The following ARHGEF3 variants were observed in gnomAD, a reference collection of about 807,000 sequenced individuals.
The protein encoded by ARHGEF3 is 59.8 kDA protein.
In ARHGEF3, 28 loss-of-function variants were observed where a neutral mutation model predicts 63.2. That is an observed-to-expected ratio of 0.44 (90% confidence interval 0.33 to 0.61). ARHGEF3 has a LOEUF of 0.61. ARHGEF3 is among the 20% of genes least tolerant of loss of function. The pLI is 0.03. For missense variants in ARHGEF3, 533 were observed against 659.3 expected, an observed-to-expected ratio of 0.81 and a Z score of 2.10; for synonymous variants, 266 against 254.2, an observed-to-expected ratio of 1.05 and a Z score of -0.44.
At chr3:56,732,197 C>T in intron 9 of ARHGEF3, 41 bp downstream of exon 9, 12 of 1,610,108 alleles carry the variant, frequency 7.5e-6, no homozygotes, top group Non-Finnish European at 1.0e-5. Flanking sequence ...ACTACCACGG[C>T]CAAAAACATT....
In ARHGEF3 at chr3:56,915,335, G is replaced by A. The variant is rs554538548; in HGVS notation, c.130-32981C>T. ...GAAATAATTAGCAGGGCATGGTGGT[G>A]TATGCCTGTAGTCCCAGCTACTCGG... On this transcript the variant is annotated intron_variant, in intron 3 of 12. Coordinates refer to the ARHGEF3 transcript ENST00000338458. Among the ~76,000 whole-genome samples the A allele has an allele frequency of 4.6e-5, 7 of 152,146 alleles. No individual in the cohort carries two copies. The East Asian group carries it at 1.2e-3, about 25-fold the overall frequency.
At chr3:57,065,114 T>C (rs562550291) in intron 1 of ARHGEF3, among the ~76,000 whole-genome samples, 1 of 152,372 alleles carries the variant, frequency 6.6e-6, no homozygotes, top group Admixed American at 6.5e-5. Context: ...TGCATGTTTA[T>C]TTGCTGATGG....
intron 2 of ARHGEF3, among the ~76,000 whole-genome samples, chr3:57,002,479 T>TTATATA (rs1159985048): frequency 0.035 from 1,362 of 39,438 alleles, 145 homozygotes; most frequent in African/African-American, 0.04. Context: ...TATATATATG[T>TTATATA]TATATATATA....
At chr3:56,794,482 C>CT (rs1370000482) in intron 1 of ARHGEF3, among the ~76,000 whole-genome samples, 4 of 92,132 alleles carry the variant, frequency 4.3e-5, no homozygotes, top group African/African-American at 1.6e-4. Flanking sequence ...GAGCGAGACT[C>CT]TATCTCAAAA....
chr3:57,002,461 ACT>A (rs1702240818), intron 2 of ARHGEF3, among the ~76,000 whole-genome samples: 1 of 9,346 alleles, frequency 1.1e-4, no homozygotes, highest in Admixed American at 2.4e-3. Context: ...TGTTCTAAGC[ACT>A]ATATATATAT....
intron 1 of ARHGEF3, among the ~76,000 whole-genome samples, chr3:57,056,000 C>T (rs116621404): frequency 0.026 from 4,018 of 152,228 alleles, 179 homozygotes; most frequent in African/African-American, 0.09. Context: ...CACTGTGTGC[C>T]TCTATGGGCT....
intron 4 of ARHGEF3, chr3:56,882,269 G>A (rs1195816585): frequency 1.3e-6 from 2 of 1,546,712 alleles, no homozygotes; most frequent in African/African-American, 1.4e-5. Flanking sequence ...GGTGCCAGTG[G>A]GGGAAGAAAG....
intron 2 of ARHGEF3, among the ~76,000 whole-genome samples, chr3:56,968,053 A>T (rs1311593907): frequency 0.047 from 2,200 of 47,044 alleles, 192 homozygotes; most frequent in African/African-American, 0.16. Context: ...AATATATATA[A>T]TATATATAAT....
At chr3:56,943,870 C>T (rs768652961) in intron 3 of ARHGEF3, among the ~76,000 whole-genome samples, 3 of 150,186 alleles carry the variant, frequency 2.0e-5, no homozygotes, top group Non-Finnish European at 3.0e-5. Flanking sequence ...GCCAGGATCG[C>T]GCTACTGCAC....
At chr3:56,874,498 C>G (rs536588117) in intron 4 of ARHGEF3, among the ~76,000 whole-genome samples, 7 of 152,292 alleles carry the variant, frequency 4.6e-5, no homozygotes, top group Middle Eastern at 6.8e-3. Flanking sequence ...AAATAAATCT[C>G]GCTGCTATTC....
chr3:57,056,816 A>G (rs1172475169), intron 1 of ARHGEF3, among the ~76,000 whole-genome samples: 1 of 152,086 alleles, frequency 6.6e-6, no homozygotes, highest in African/African-American at 2.4e-5. Flanking sequence ...ACCACAAAAG[A>G]CTATGGGATT....
intron 6 of ARHGEF3, among the ~76,000 whole-genome samples, chr3:56,748,182 G>A (rs182724611): frequency 6.6e-6 from 1 of 152,242 alleles, no homozygotes; most frequent in East Asian, 1.9e-4. Flanking sequence ...CTACAGGCAT[G>A]CACCACCATG....
Position 56,748,201 on chromosome 3 carries a change from T to C in ARHGEF3, c.613-2739A>G, listed in dbSNP as rs527475843. ...AGGCATGCACCACCATGCCAGCTAATATTTTTTTTGTAGAGACAGGGTTTC... is the reference window on the plus strand; with the variant it reads ...AGGCATGCACCACCATGCCAGCTAACATTTTTTTTGTAGAGACAGGGTTTC... On this transcript the variant is annotated intron_variant, in intron 6 of 9. Transcript: ENST00000296315. Among the ~76,000 whole-genome samples the C allele has an allele frequency of 7.2e-4, 110 of 152,282 alleles. 1 individual carries two copies. In the East Asian group the frequency reaches 0.011, roughly 15 times the overall value.
intron 4 of ARHGEF3, among the ~76,000 whole-genome samples, chr3:56,857,735 T>C (rs1241130595): frequency 6.6e-6 from 1 of 152,170 alleles, no homozygotes; most frequent in African/African-American, 2.4e-5. Context: ...CTAAAAAGTT[T>C]CTTTGCTCTT....
intron 3 of ARHGEF3, among the ~76,000 whole-genome samples, chr3:56,958,534 G>C (rs1700144510): frequency 6.6e-6 from 1 of 151,798 alleles, no homozygotes; most frequent in South Asian, 2.1e-4. Flanking sequence ...GCTTCGCCAT[G>C]TTGCCTAGGC....
At chr3:56,961,357 G>A (rs1296696399) in intron 2 of ARHGEF3, among the ~76,000 whole-genome samples, 1 of 152,094 alleles carries the variant, frequency 6.6e-6, no homozygotes, top group African/African-American at 2.4e-5. Flanking sequence ...TAAACCACAT[G>A]CCAGAAGTCA....
chr3:56,752,845 T>C (rs572459610), intron 4 of ARHGEF3, among the ~76,000 whole-genome samples: 29 of 152,334 alleles, frequency 1.9e-4, no homozygotes, highest in Non-Finnish European at 3.8e-4. Context: ...AATTTCATCT[T>C]AGCAGAAAGA....
chr3:57,042,873 A>AT (rs1454082840), intron 1 of ARHGEF3, among the ~76,000 whole-genome samples: 1 of 147,958 alleles, frequency 6.8e-6, no homozygotes, highest in East Asian at 2.0e-4. Flanking sequence ...GTTTTTTTGT[A>AT]TTTTCAGTAC....
At chr3:56,781,772 A>G (rs936170503) in intron 1 of ARHGEF3, among the ~76,000 whole-genome samples, 1 of 152,138 alleles carries the variant, frequency 6.6e-6, no homozygotes, top group Admixed American at 6.6e-5. Context: ...CAATTTAGGG[A>G]GTGTTTACTC....
Sources: gnomAD v4.1 joint callset for allele counts (sites outside exome capture counted in the v4.1 genomes callset) on GRCh38, gnomAD v4.1.1 for gene constraint, MANE v1.5 for transcripts, NCBI Gene and HGNC (gene_info 2026-07-23, HGNC 2026-07-21) for gene names.